The following PDE8A variants were observed in gnomAD, a reference collection of about 807,000 sequenced individuals.
PDE8A encodes the protein high affinity cAMP-specific and IBMX-insensitive 3',5'-cyclic phosphodiesterase 8A.
PDE8A carries 59 observed loss-of-function variants against 105.0 expected under a neutral mutation model. The ratio of observed to expected loss-of-function variants is 0.56; its 90% CI spans 0.46 to 0.70. PDE8A has a LOEUF of 0.70. Ranked by LOEUF, PDE8A falls within the 30% of genes least tolerant of loss-of-function variation. The pLI is 0.00. For missense variants in PDE8A, 1,014 were observed against 1,045.9 expected (o/e 0.97, Z 0.42); for synonymous variants, 355 against 371.9 (o/e 0.95, Z 0.52).
chr15:85,008,836 A>C (rs1202799416), intron 1 of PDE8A, among the ~76,000 whole-genome samples: 1 of 152,064 alleles, frequency 6.6e-6, no homozygotes, highest in Non-Finnish European at 1.5e-5. Flanking sequence ...TAGTCTGCCA[A>C]CATTGTCTGC....
intron 11 of PDE8A, 100 bp from the exon 12 acceptor site, chr15:85,108,953 A>C (rs2141589286): frequency 1.3e-6 from 1 of 769,764 alleles, no homozygotes; most frequent in East Asian, 2.5e-5. Context: ...CATTTAAAAC[A>C]TTTAAAGTTG....
At chr15:84,983,937 G>A (rs1291491188) in intron 1 of PDE8A, among the ~76,000 whole-genome samples, 2 of 152,236 alleles carry the variant, frequency 1.3e-5, no homozygotes, top group Non-Finnish European at 2.9e-5. Flanking sequence ...AGGTCCCTGA[G>A]TTTTTAAGTA....
chr15:84,994,219 T>C (rs909510590), intron 1 of PDE8A, among the ~76,000 whole-genome samples: 2 of 152,240 alleles, frequency 1.3e-5, no homozygotes, highest in Non-Finnish European at 1.5e-5. Context: ...TGCTCTTTTT[T>C]CTTAATTGCT....
At chr15:84,982,636 T>A (rs2079736051) in intron 1 of PDE8A, among the ~76,000 whole-genome samples, 1 of 152,094 alleles carries the variant, frequency 6.6e-6, no homozygotes, top group South Asian at 2.1e-4. Flanking sequence ...CGGGGCCCGA[T>A]GTGAAGTTGA....
intron 5 of PDE8A, among the ~76,000 whole-genome samples, chr15:85,083,293 A>G (rs966701286): frequency 1.3e-5 from 2 of 148,286 alleles, no homozygotes; most frequent in Non-Finnish European, 3.0e-5. Flanking sequence ...TTAACGGAAG[A>G]TGCTGAAAGA....
At position 85,054,176 on chromosome 15, in the gene PDE8A, T is replaced by A. The variant is rs374182149; in HGVS notation, c.187-10194T>A. Reference sequence around the variant, plus strand: ...CATCCCAGAGATGAAGCCAACTTGATCATGGTAGATAAGCTTTTTGATGTG... The same window carrying A: ...CATCCCAGAGATGAAGCCAACTTGAACATGGTAGATAAGCTTTTTGATGTG... On this transcript the variant is annotated intron_variant, in intron 1 of 21. Coordinates refer to ENST00000394553, the MANE Select transcript of PDE8A (RefSeq NM_002605.3). Among the ~76,000 whole-genome samples, 7 of 152,204 alleles carry A rather than the reference T, an allele frequency of 4.6e-5. No homozygotes were observed. The East Asian group carries it at 9.6e-4, about 21-fold the overall frequency.
chr15:84,982,413 C>CAAA (rs1335045298), intron 1 of PDE8A, 65 bp downstream of exon 1: 11 of 1,118,946 alleles, frequency 9.8e-6, no homozygotes, highest in Non-Finnish European at 1.3e-5. Context: ...GCAACTTTCC[C>CAAA]GCAGGGGCCG....
At chr15:85,085,495 C>G (rs1044454625) in intron 6 of PDE8A, among the ~76,000 whole-genome samples, 1 of 152,046 alleles carries the variant, frequency 6.6e-6, no homozygotes, top group African/African-American at 2.4e-5. Context: ...GTCAGGAGTT[C>G]GAGACAAGCC....
At chr15:85,081,866 A>C (rs1454973924) in intron 5 of PDE8A, among the ~76,000 whole-genome samples, 1 of 152,186 alleles carries the variant, frequency 6.6e-6, no homozygotes, top group African/African-American at 2.4e-5. Context: ...TGGTGGATAC[A>C]TAACATTCAG....
intron 5 of PDE8A, among the ~76,000 whole-genome samples, chr15:85,081,855 T>G (rs1383616459): frequency 2.6e-5 from 4 of 152,084 alleles, no homozygotes; most frequent in African/African-American, 7.2e-5. Context: ...GTAAAAAAGT[T>G]TGGTGGATAC....
At chr15:85,056,596 C>T (rs1206581155) in intron 1 of PDE8A, among the ~76,000 whole-genome samples, 1 of 152,174 alleles carries the variant, frequency 6.6e-6, no homozygotes, top group Non-Finnish European at 1.5e-5. Flanking sequence ...TCCACTTGAT[C>T]AAATTGGCTA....
chr15:85,089,497 A>G lies in PDE8A; in HGVS notation c.714+81A>G, dbSNP rs77156949. The G allele has an allele frequency of 9.3e-3, 5,326 of 575,444 alleles. 18 individuals are homozygous for G. The highest frequency in any genetic ancestry group is 0.012 in the Non-Finnish European group (4,194 of 337,158). 35.6% of individuals were successfully genotyped at this position (575,444 alleles called of 1,614,324 possible). ...TTTAGGATTGAACCTCTCCAATATG[A>G]TTTTTTTTTTTCTTTTTGAAGTTTA... On this transcript the variant is annotated intron_variant, in intron 7 of 21. Coordinates refer to ENST00000394553, the MANE Select transcript of PDE8A (RefSeq NM_002605.3).
At chr15:85,015,261 G>A (rs1446171342) in intron 1 of PDE8A, among the ~76,000 whole-genome samples, 2 of 149,070 alleles carry the variant, frequency 1.3e-5, no homozygotes, top group Admixed American at 6.7e-5. Flanking sequence ...TTTTTGGACA[G>A]GGTTGCCCAG....
intron 6 of PDE8A, among the ~76,000 whole-genome samples, chr15:85,084,886 A>G (rs2081525515): frequency 6.6e-6 from 1 of 151,852 alleles, no homozygotes; most frequent in Admixed American, 6.5e-5. Context: ...CCCTAAATCC[A>G]GTCACTGACC....
chr15:85,084,658 CTG>C (rs1380983615), intron 6 of PDE8A, among the ~76,000 whole-genome samples: 2 of 152,184 alleles, frequency 1.3e-5, no homozygotes, highest in Admixed American at 1.3e-4. Context: ...GAATCAGAAA[CTG>C]AGACCCAAGG....
chr15:85,023,687 G>A (rs933357653), intron 1 of PDE8A, among the ~76,000 whole-genome samples: 5 of 152,134 alleles, frequency 3.3e-5, no homozygotes, highest in Admixed American at 2.6e-4. Context: ...GCTGATGAGG[G>A]GCTGGAGTGG....
intron 9 of PDE8A, 85 bp from the exon 10 acceptor site, chr15:85,099,930 T>C: frequency 9.4e-7 from 1 of 1,068,130 alleles, no homozygotes; most frequent in South Asian, 1.4e-5. Context: ...AAAAGGGAGG[T>C]GCCATTTTCG....
intron 2 of PDE8A, 41 bp from the exon 3 acceptor site, chr15:85,066,973 C>A (rs749338796): frequency 1.3e-4 from 178 of 1,409,912 alleles, no homozygotes; most frequent in Non-Finnish European, 1.7e-4. Flanking sequence ...ACAATTCTAA[C>A]ATCTTTTTTT....
chr15:85,001,974 A>G (rs903734605), intron 1 of PDE8A, among the ~76,000 whole-genome samples: 2 of 151,328 alleles, frequency 1.3e-5, no homozygotes, highest in South Asian at 2.1e-4. Context: ...TCAAAATTCT[A>G]CCTTTTTTTT....
Sources: gnomAD v4.1 joint callset for allele counts (sites outside exome capture counted in the v4.1 genomes callset) on GRCh38, gnomAD v4.1.1 for gene constraint, MANE v1.5 for transcripts, NCBI Gene and HGNC (gene_info 2026-07-23, HGNC 2026-07-21) for gene names.